The following ST6GALNAC3 variants were observed in gnomAD, a reference collection of about 807,000 sequenced individuals.
The protein encoded by ST6GALNAC3 is alpha-N-acetylgalactosaminide alpha-2,6-sialyltransferase 3.
Under a neutral mutation model 32.7 loss-of-function variants are expected in ST6GALNAC3, and 25 were observed. The ratio of observed to expected loss-of-function variants is 0.76; its 90% CI spans 0.56 to 1.07. The LOEUF (loss-of-function observed/expected upper bound fraction) is 1.07, where lower values mean the gene tolerates loss of function less well. ST6GALNAC3 is among the 50% of genes least tolerant of loss of function. The probability of loss-of-function intolerance (pLI) is 0.00; values close to 1 mark genes in which losing one functional copy is unlikely to be tolerated. For missense variants in ST6GALNAC3, 355 were observed against 382.4 expected (o/e 0.93, Z 0.60); for synonymous variants, 129 against 133.1 (o/e 0.97, Z 0.21).
At chr1:76,373,091 C>CT (rs1339060886) in intron 2 of ST6GALNAC3, among the ~76,000 whole-genome samples, 1 of 152,172 alleles carries the variant, frequency 6.6e-6, no homozygotes, top group Non-Finnish European at 1.5e-5. Context: ...GCCACGGTGC[C>CT]TGGCTTCTGC....
intron 1 of ST6GALNAC3, among the ~76,000 whole-genome samples, chr1:76,136,980 T>G (rs1378914065): frequency 6.6e-6 from 1 of 152,228 alleles, no homozygotes; most frequent in Non-Finnish European, 1.5e-5. Context: ...CTTATGAAGT[T>G]GATACTTTTG....
chr1:76,531,682 T>G (rs1181247327), intron 3 of ST6GALNAC3, among the ~76,000 whole-genome samples: 1 of 152,202 alleles, frequency 6.6e-6, no homozygotes, highest in African/African-American at 2.4e-5. Flanking sequence ...ATGACCTTTA[T>G]GCCAAAGACT....
chr1:76,393,987 C>T (rs1571078154), intron 2 of ST6GALNAC3, among the ~76,000 whole-genome samples: 1 of 152,228 alleles, frequency 6.6e-6, no homozygotes, highest in Admixed American at 6.5e-5. Flanking sequence ...CTTCCATATC[C>T]ATAGAGCATC....
At chr1:76,428,279 T>A (rs556404458) in intron 3 of ST6GALNAC3, among the ~76,000 whole-genome samples, 2 of 152,188 alleles carry the variant, frequency 1.3e-5, no homozygotes, top group South Asian at 2.1e-4. Context: ...AATCTAATTC[T>A]CTGAATGGTG....
chr1:76,111,339 T>G (rs1379205953), intron 1 of ST6GALNAC3, among the ~76,000 whole-genome samples: 2 of 152,260 alleles, frequency 1.3e-5, no homozygotes, highest in South Asian at 2.1e-4. Flanking sequence ...GTGAGAGGTT[T>G]GCATCTCCAC....
intron 2 of ST6GALNAC3, among the ~76,000 whole-genome samples, chr1:76,318,823 G>C (rs1646916049): frequency 6.6e-6 from 1 of 152,128 alleles, no homozygotes. Context: ...AATTATAGCA[G>C]ACAGAGGAGG....
intron 3 of ST6GALNAC3, among the ~76,000 whole-genome samples, chr1:76,609,968 T>TA (rs1647815991): frequency 6.6e-6 from 1 of 152,214 alleles, no homozygotes; most frequent in Non-Finnish European, 1.5e-5. Context: ...GGTTAGGTTT[T>TA]AACTGAGGAT....
chr1:76,150,231 C>G (rs899412220), intron 1 of ST6GALNAC3, among the ~76,000 whole-genome samples: 1 of 152,194 alleles, frequency 6.6e-6, no homozygotes, highest in Non-Finnish European at 1.5e-5. Context: ...CACCCGTCAC[C>G]ACCCTGGTGG....
At chr1:76,390,102 C>T (rs760535937) in intron 2 of ST6GALNAC3, among the ~76,000 whole-genome samples, 27 of 152,030 alleles carry the variant, frequency 1.8e-4, no homozygotes, top group Non-Finnish European at 4.4e-5. Flanking sequence ...TCCCCATGCT[C>T]ATTTAGTTAT....
chr1:76,575,989 T>C (rs1011425863), intron 3 of ST6GALNAC3, among the ~76,000 whole-genome samples: 5 of 151,926 alleles, frequency 3.3e-5, no homozygotes, highest in African/African-American at 7.3e-5. Context: ...GAAAGCAATT[T>C]TCATAATTAG....
chr1:76,357,130 CTTTTTT>C (rs55786044), intron 2 of ST6GALNAC3, among the ~76,000 whole-genome samples: 1 of 111,176 alleles, frequency 9.0e-6, no homozygotes, highest in East Asian at 2.8e-4. Flanking sequence ...TTTTCTTTTT[CTTTTTT>C]TTTTTTTTTC....
chr1:76,476,028 C>T (rs1163922644), intron 3 of ST6GALNAC3, among the ~76,000 whole-genome samples: 2 of 152,180 alleles, frequency 1.3e-5, no homozygotes, highest in Non-Finnish European at 2.9e-5. Context: ...AGGAAATGAA[C>T]TCATCCTTTT....
chr1:76,314,068 A>C (rs2100898152), intron 2 of ST6GALNAC3, 69 bp downstream of exon 2: 3 of 1,477,690 alleles, frequency 2.0e-6, no homozygotes, highest in East Asian at 4.6e-5. Flanking sequence ...TAGGAGCCAG[A>C]GGGCTTCCAA....
intron 2 of ST6GALNAC3, among the ~76,000 whole-genome samples, chr1:76,367,935 C>T (rs1650506657): frequency 1.3e-5 from 2 of 152,170 alleles, no homozygotes; most frequent in Admixed American, 1.3e-4. Context: ...CAGGGGCTAT[C>T]ACTGTGAGTC....
At chr1:76,100,072 A>C (rs1156638942) in intron 1 of ST6GALNAC3, among the ~76,000 whole-genome samples, 1 of 152,152 alleles carries the variant, frequency 6.6e-6, no homozygotes, top group Admixed American at 6.5e-5. Flanking sequence ...GTTTATAAAC[A>C]TGTAGTTAGT....
At chr1:76,517,523 ATTAAACCTTTTAAAT>A (rs1166669320) in intron 3 of ST6GALNAC3, among the ~76,000 whole-genome samples, 2 of 151,942 alleles carry the variant, frequency 1.3e-5, no homozygotes, top group Non-Finnish European at 2.9e-5. Context: ...ACCTTGATTA[ATTAAACCTTTTAAAT>A]TTAAACCTTT....
intron 3 of ST6GALNAC3, among the ~76,000 whole-genome samples, chr1:76,444,397 C>G (rs945912340): frequency 4.6e-5 from 7 of 152,160 alleles, no homozygotes; most frequent in African/African-American, 1.7e-4. Flanking sequence ...CAATTCTGGA[C>G]CTGACACTGT....
At chr1:76,378,844 A>G (rs1352655988) in intron 2 of ST6GALNAC3, among the ~76,000 whole-genome samples, 1 of 151,956 alleles carries the variant, frequency 6.6e-6, no homozygotes, top group Non-Finnish European at 1.5e-5. Context: ...CCCAACTTTT[A>G]TGGTGTAGAG....
At chr1:76,138,456 A>G (rs547622989) in intron 1 of ST6GALNAC3, among the ~76,000 whole-genome samples, 1 of 152,290 alleles carries the variant, frequency 6.6e-6, no homozygotes, top group African/African-American at 2.4e-5. Flanking sequence ...AAACAAAGGC[A>G]TGATTCAAGA....
Sources: gnomAD v4.1 joint callset for allele counts (sites outside exome capture counted in the v4.1 genomes callset) on GRCh38, gnomAD v4.1.1 for gene constraint, MANE v1.5 for transcripts, NCBI Gene and HGNC (gene_info 2026-07-23, HGNC 2026-07-21) for gene names.